KLF8: variants seen among roughly 807,000 people sequenced by gnomAD.
The protein encoded by KLF8 is Krueppel-like factor 8.
In KLF8, 10 loss-of-function variants were observed where a neutral mutation model predicts 18.2. The observed-to-expected ratio is 0.55, with a 90% confidence interval of 0.34 to 0.93. The LOEUF (loss-of-function observed/expected upper bound fraction) is 0.93. Ranked by LOEUF, KLF8 falls within the 40% of genes least tolerant of loss-of-function variation. KLF8 has a pLI of 0.02. For missense variants in KLF8, 264 were observed against 277.9 expected, an observed-to-expected ratio of 0.95 and a Z score of 0.36; for synonymous variants, 109 against 97.3, an observed-to-expected ratio of 1.12 and a Z score of -0.71.
the KLF8 span, among the ~76,000 whole-genome samples, chrX:56,053,678 T>G: frequency 2.7e-5 from 3 of 109,871 alleles, no homozygotes; most frequent in Non-Finnish European, 5.7e-5. Context: ...GTGATTCACT[T>G]TTGGTGCTCA....
the KLF8 span, among the ~76,000 whole-genome samples, chrX:56,069,689 A>G: frequency 9.0e-6 from 1 of 111,378 alleles, no homozygotes; most frequent in Non-Finnish European, 1.9e-5. Context: ...ACCCACCCCC[A>G]TCTCCTGTAG....
chrX:56,271,281 T>C (rs746082317), intron 5 of KLF8, among the ~76,000 whole-genome samples: 7 of 111,147 alleles, frequency 6.3e-5, no homozygotes, highest in Non-Finnish European at 1.9e-5. Flanking sequence ...AATTTAATTG[T>C]TAAAGAAAAG....
At chrX:56,135,359 T>C in the KLF8 span, among the ~76,000 whole-genome samples, 7 of 111,475 alleles carry the variant, frequency 6.3e-5, no homozygotes, top group African/African-American at 2.3e-4. Flanking sequence ...CACCATGGAA[T>C]ACTATGCAGC....
chrX:56,067,472 G>A, the KLF8 span, among the ~76,000 whole-genome samples: 1 of 110,778 alleles, frequency 9.0e-6, no homozygotes, highest in African/African-American at 3.3e-5. Context: ...CAGCTCATGT[G>A]TGCTGTTCTC....
At chrX:56,104,976 A>C in the KLF8 span, among the ~76,000 whole-genome samples, 5 of 112,047 alleles carry the variant, frequency 4.5e-5, no homozygotes, top group African/African-American at 1.6e-4. Context: ...TTATGTACCC[A>C]GTAGTCACTC....
chrX:56,230,138 A>G (rs2066390194), upstream of KLF8, among the ~76,000 whole-genome samples: 1 of 112,430 alleles, frequency 8.9e-6, no homozygotes, highest in South Asian at 3.7e-4. Context: ...TGAAAAAGTA[A>G]CTCGATGACC....
the KLF8 span, among the ~76,000 whole-genome samples, chrX:56,220,676 A>C: frequency 9.2e-6 from 1 of 109,244 alleles, no homozygotes; most frequent in Non-Finnish European, 1.9e-5. Context: ...TTTAGTAGAG[A>C]CCGGTTTCAC....
the KLF8 span, among the ~76,000 whole-genome samples, chrX:56,188,306 C>A: frequency 8.1e-5 from 9 of 111,474 alleles, no homozygotes; most frequent in African/African-American, 2.9e-4. Flanking sequence ...AGGAATCCAA[C>A]TTACAAGGGA....
intron 5 of KLF8, among the ~76,000 whole-genome samples, chrX:56,273,241 G>A (rs2067079518): frequency 9.0e-6 from 1 of 111,420 alleles, no homozygotes; most frequent in Admixed American, 9.6e-5. Flanking sequence ...TTTTGATACA[G>A]GAATGCAATG....
the KLF8 span, among the ~76,000 whole-genome samples, chrX:55,944,084 A>G: frequency 8.9e-6 from 1 of 112,008 alleles, no homozygotes; most frequent in Non-Finnish European, 1.9e-5. Context: ...ATCTATTGAG[A>G]TAATCATGTG....
chrX:56,141,725 ATACT>A, the KLF8 span, among the ~76,000 whole-genome samples: 4 of 111,544 alleles, frequency 3.6e-5, no homozygotes, highest in South Asian at 3.8e-4. Flanking sequence ...CATGGTATTA[ATACT>A]TACTTACATA....
intron 1 of KLF8, chrX:56,242,976 G>T (rs2066567034): frequency 4.2e-6 from 2 of 476,761 alleles, no homozygotes; most frequent in Admixed American, 2.3e-5. Context: ...CCAAAGCATT[G>T]TAATCAGGAG....
the KLF8 span, among the ~76,000 whole-genome samples, chrX:55,964,507 G>T: frequency 9.0e-6 from 1 of 111,690 alleles, no homozygotes; most frequent in Non-Finnish European, 1.9e-5. Flanking sequence ...AGCCTGGGAG[G>T]TGAAGGTTGC....
the KLF8 span, among the ~76,000 whole-genome samples, chrX:55,935,370 T>C: frequency 1.8e-5 from 2 of 111,910 alleles, no homozygotes; most frequent in African/African-American, 6.5e-5. Flanking sequence ...TAGAAATGTG[T>C]GATCTCAAGC....
chrX:56,202,638 T>C, the KLF8 span, among the ~76,000 whole-genome samples: 1 of 105,279 alleles, frequency 9.5e-6, no homozygotes, highest in Non-Finnish European at 2.0e-5. Context: ...TCTATGAGTT[T>C]CATTGTTTTT....
the KLF8 span, among the ~76,000 whole-genome samples, chrX:55,989,868 C>T: frequency 1.8e-5 from 2 of 111,217 alleles, 1 homozygote; most frequent in Admixed American, 1.9e-4. Flanking sequence ...TTAATTATTG[C>T]CTCAATTTCA....
At chrX:56,024,157 A>G in the KLF8 span, among the ~76,000 whole-genome samples, 1 of 111,122 alleles carries the variant, frequency 9.0e-6, no homozygotes, top group Non-Finnish European at 1.9e-5. Context: ...CTGCGTACTG[A>G]CAATATTTTT....
At chrX:56,097,250 C>T in the KLF8 span, among the ~76,000 whole-genome samples, 2 of 110,265 alleles carry the variant, frequency 1.8e-5, no homozygotes, top group African/African-American at 6.6e-5. Context: ...GACAAAGCTG[C>T]GTGTGGAGAA....
At chrX:56,258,444 G>GTTACTGTTAGTACTGGCTAA (rs1294793269) in intron 2 of KLF8, among the ~76,000 whole-genome samples, 138 of 111,149 alleles carry the variant, frequency 1.2e-3, no homozygotes, top group Non-Finnish European at 1.4e-3. Context: ...CGCTAATTTT[G>GTTACTGTTAGTACTGGCTAA]TTTTGTACTG....
Sources: gnomAD v4.1 joint callset for allele counts (sites outside exome capture counted in the v4.1 genomes callset) on GRCh38, gnomAD v4.1.1 for gene constraint, MANE v1.5 for transcripts, NCBI Gene and HGNC (gene_info 2026-07-23, HGNC 2026-07-21) for gene names.